CPSF6: variants seen among roughly 807,000 people sequenced by gnomAD.
The protein encoded by CPSF6 is cleavage and polyadenylation specificity factor subunit 6.
In CPSF6, 10 loss-of-function variants were observed where a neutral mutation model predicts 56.7. The ratio of observed to expected loss-of-function variants is 0.18; its 90% CI spans 0.11 to 0.30. CPSF6 has a LOEUF of 0.30. Among genes scored for constraint, CPSF6 ranks in the 10% least tolerant of loss-of-function variants. CPSF6 has a pLI of 1.00. For missense variants in CPSF6, 419 were observed against 722.9 expected (o/e 0.58, Z 4.82); for synonymous variants, 248 against 244.8 (o/e 1.01, Z -0.12).
intron 6 of CPSF6, 31 bp downstream of exon 6, chr12:69,259,125 G>A (rs373458813): frequency 9.7e-5 from 151 of 1,562,046 alleles, no homozygotes; most frequent in Admixed American, 1.6e-4. Context: ...GAAAGTACTT[G>A]ATGATAAAAG....
At chr12:69,240,683 C>T (rs1043537908) in intron 1 of CPSF6, among the ~76,000 whole-genome samples, 1 of 141,316 alleles carries the variant, frequency 7.1e-6, no homozygotes, top group Non-Finnish European at 1.6e-5. Flanking sequence ...AGTGTTAAAT[C>T]CCCCCACCCC....
intron 1 of CPSF6, among the ~76,000 whole-genome samples, chr12:69,248,921 C>T (rs1372415040): frequency 6.6e-6 from 1 of 151,848 alleles, no homozygotes; most frequent in Non-Finnish European, 1.5e-5. Flanking sequence ...TGATATTTCC[C>T]CTACTAGGCT....
chr12:69,265,303 G>T (rs947730576), intron 9 of CPSF6, among the ~76,000 whole-genome samples: 1 of 152,116 alleles, frequency 6.6e-6, no homozygotes, highest in African/African-American at 2.4e-5. Context: ...AAGTAGTTCA[G>T]TGCTTTACGA....
intron 8 of CPSF6, among the ~76,000 whole-genome samples, chr12:69,261,114 C>A (rs1053549721): frequency 7.2e-5 from 11 of 151,846 alleles, no homozygotes; most frequent in African/African-American, 2.4e-4. Flanking sequence ...ACTTGGTATT[C>A]TTAGATATGT....
rs770004412 is a variant in CPSF6 at position 69,239,611 on chromosome 12, G to A, written c.-36G>A. On this transcript the variant is annotated 5_prime_UTR_variant, in exon 1 of 10. Coordinates refer to ENST00000435070, the MANE Select transcript of CPSF6 (RefSeq NM_007007.3). Reference sequence around the variant, plus strand: ...TGCCGCGGCGGGCAGACCTGCAGGAGGCGGCGGCGGCGGCGGCGGCCGAGG... The same window carrying A: ...TGCCGCGGCGGGCAGACCTGCAGGAAGCGGCGGCGGCGGCGGCGGCCGAGG... The A allele has an allele frequency of 2.5e-5, 33 of 1,327,226 alleles. No individual in the cohort carries two copies. The highest frequency in any genetic ancestry group is 2.4e-4 in the South Asian group (16 of 67,420). 82.2% of individuals were successfully genotyped at this position (1,327,226 alleles called of 1,614,324 possible).
chr12:69,268,029 G>A (rs2120644852), intron 9 of CPSF6, among the ~76,000 whole-genome samples: 1 of 151,864 alleles, frequency 6.6e-6, no homozygotes, highest in Middle Eastern at 3.4e-3. Flanking sequence ...CAGCGCAACA[G>A]AAAATTTAGG....
intron 1 of CPSF6, among the ~76,000 whole-genome samples, chr12:69,241,645 T>C (rs1592789224): frequency 6.6e-6 from 1 of 152,336 alleles, no homozygotes; most frequent in Non-Finnish European, 1.5e-5. Context: ...CAGTAGCAAG[T>C]GCTGACTGGG....
chr12:69,252,367 G>C (rs926257643), intron 2 of CPSF6, among the ~76,000 whole-genome samples: 3 of 152,166 alleles, frequency 2.0e-5, no homozygotes, highest in Non-Finnish European at 4.4e-5. Context: ...ATGGTGCCCA[G>C]CCTATTTACA....
At chr12:69,243,255 T>G (rs1415987658) in intron 1 of CPSF6, among the ~76,000 whole-genome samples, 1 of 152,222 alleles carries the variant, frequency 6.6e-6, no homozygotes, top group Non-Finnish European at 1.5e-5. Context: ...AGTTCCACTT[T>G]CTGTGGTTTC....
At chr12:69,265,254 A>G (rs1159319841) in intron 9 of CPSF6, among the ~76,000 whole-genome samples, 2 of 152,164 alleles carry the variant, frequency 1.3e-5, no homozygotes, top group East Asian at 1.9e-4. Flanking sequence ...ATATTCTGTA[A>G]TTTCTACCTC....
intron 9 of CPSF6, among the ~76,000 whole-genome samples, chr12:69,264,691 T>A (rs1036768804): frequency 4.6e-5 from 7 of 152,122 alleles, no homozygotes; most frequent in Non-Finnish European, 1.0e-4. Context: ...TGCAAAAAAT[T>A]CTGTTATCCT....
At chr12:69,240,766 T>G (rs753028970) in intron 1 of CPSF6, among the ~76,000 whole-genome samples, 24 of 149,208 alleles carry the variant, frequency 1.6e-4, no homozygotes, top group Admixed American at 6.0e-4. Context: ...TGAACGACGT[T>G]GCTTAGAGGT....
intron 9 of CPSF6, among the ~76,000 whole-genome samples, chr12:69,263,852 G>T (rs1872853735): frequency 6.6e-6 from 1 of 151,892 alleles, no homozygotes; most frequent in South Asian, 2.1e-4. Context: ...TAAAAGGCTG[G>T]TTTTGATACT....
At chr12:69,244,169 C>T (rs1213289216) in intron 1 of CPSF6, among the ~76,000 whole-genome samples, 3 of 152,126 alleles carry the variant, frequency 2.0e-5, no homozygotes, top group Admixed American at 6.5e-5. Flanking sequence ...GTTTAAAATA[C>T]AAACACATTG....
chr12:69,245,147 A>G (rs1244922820), intron 1 of CPSF6, among the ~76,000 whole-genome samples: 1 of 151,976 alleles, frequency 6.6e-6, no homozygotes, highest in Non-Finnish European at 1.5e-5. Flanking sequence ...TATAATAAAT[A>G]CATAAACCAG....
Position 69,269,559 on chromosome 12 carries a change from A to G in CPSF6, c.*51A>G, listed in dbSNP as rs1276762230. 2.2e-6 allele frequency: 1 copy of G among 448,162 alleles called. No homozygotes were observed. The highest frequency in any genetic ancestry group is 2.4e-5 in the Admixed American group (1 of 41,362). The allele number at this position is 448,162 out of a possible 1,614,324, so 27.8% of individuals were successfully genotyped here. A position where few individuals can be genotyped will look rare whatever the true frequency, so the allele number is the denominator to read the frequency against. On this transcript the variant is annotated 3_prime_UTR_variant, in exon 10 of 10. Transcript: ENST00000435070. ...CAAGACAAAACAGTCTTCATGGGGG[A>G]AAAATGACGCTTGTCCAGCAGTTTG... is the stretch of plus-strand genomic sequence containing the variant.
rs1241106205 is a variant in CPSF6 at position 69,259,928 on chromosome 12, GT to G, written c.1316-114del. Reference sequence around the variant, plus strand: ...CTGAAAGAAGACATTGTCTTGCATAGTTATTTTATAGCACAGTACTTTTGTA... The same window carrying G: ...CTGAAAGAAGACATTGTCTTGCATAGTATTTTATAGCACAGTACTTTTGTA... On this transcript the variant is annotated intron_variant, in intron 7 of 9. Coordinates refer to ENST00000435070, the MANE Select transcript of CPSF6 (RefSeq NM_007007.3). The G allele has an allele frequency of 2.1e-5, 22 of 1,050,820 alleles. No individual in the cohort carries two copies. In the African/African-American group the frequency reaches 3.3e-4, roughly 16 times the overall value. The allele number at this position is 1,050,820 out of a possible 1,614,324, so 65.1% of individuals were successfully genotyped here. A position where few individuals can be genotyped will look rare whatever the true frequency, so the allele number is the denominator to read the frequency against.
chr12:69,255,151 A>G (rs905670556), intron 3 of CPSF6: 7 of 152,206 alleles, frequency 4.6e-5, no homozygotes, highest in African/African-American at 1.4e-4. Flanking sequence ...ACGTAGTCCT[A>G]TGTGACTGGC....
intron 1 of CPSF6, among the ~76,000 whole-genome samples, chr12:69,242,085 C>A (rs113810631): frequency 0.016 from 2,383 of 152,168 alleles, 73 homozygotes; most frequent in African/African-American, 0.055. Context: ...TACTAGCTGG[C>A]GACCTTATTT....
Sources: gnomAD v4.1 joint callset for allele counts (sites outside exome capture counted in the v4.1 genomes callset) on GRCh38, gnomAD v4.1.1 for gene constraint, MANE v1.5 for transcripts, NCBI Gene and HGNC (gene_info 2026-07-23, HGNC 2026-07-21) for gene names.